The following EDA variants were observed in gnomAD, a reference collection of about 807,000 sequenced individuals.
The protein encoded by EDA is ectodysplasin A.
EDA carries 2 observed loss-of-function variants against 23.6 expected under a neutral mutation model. The ratio of observed to expected loss-of-function variants is 0.08; its 90% CI spans 0.03 to 0.27. The LOEUF (loss-of-function observed/expected upper bound fraction) is 0.27. EDA is among the 10% of genes least tolerant of loss of function. The pLI, the probability that EDA is intolerant of heterozygous loss-of-function variation, is 1.00. For missense variants in EDA, 229 were observed against 324.2 expected (o/e 0.71, Z 2.26); for synonymous variants, 131 against 132.0 (o/e 0.99, Z 0.05).
At position 70,035,717 on chromosome X, in the gene EDA, G is replaced by A. The variant is rs377375090; in HGVS notation, c.*108G>A. On this transcript the variant is annotated 3_prime_UTR_variant, in exon 8 of 8. Coordinates refer to ENST00000374552, the MANE Select transcript of EDA (RefSeq NM_001399.5). Reference sequence around the variant, plus strand: ...AGTGAGGTGTATTGGTGTTGCAGCCGCAGAGAAATGCCCCAGTGTTATTTA... The same window carrying A: ...AGTGAGGTGTATTGGTGTTGCAGCCACAGAGAAATGCCCCAGTGTTATTTA... The A allele has an allele frequency of 6.4e-5, 61 of 949,273 alleles. No individual in the cohort carries two copies. Among genetic ancestry groups the A allele is most frequent in the South Asian group, 1.1e-4 (5 of 46,653 alleles). The allele number at this position is 949,273 out of a possible 1,213,427, so 78.2% of individuals were successfully genotyped here.
intron 1 of EDA, among the ~76,000 whole-genome samples, chrX:69,633,957 T>G (rs1000251011): frequency 8.9e-6 from 1 of 112,403 alleles, no homozygotes; most frequent in Non-Finnish European, 1.9e-5. Context: ...TCACAATTGT[T>G]GAACCATATT....
At chrX:69,720,137 C>T (rs1447619935) in intron 1 of EDA, among the ~76,000 whole-genome samples, 3 of 111,581 alleles carry the variant, frequency 2.7e-5, no homozygotes, top group African/African-American at 9.8e-5. Context: ...AGTAAACATG[C>T]AGTTGATGTT....
intron 1 of EDA, among the ~76,000 whole-genome samples, chrX:69,951,154 T>A (rs2018920143): frequency 9.3e-6 from 1 of 107,686 alleles, no homozygotes; most frequent in African/African-American, 3.4e-5. Context: ...CTCAAACAAA[T>A]AAAGATCCTC....
chrX:69,784,315 T>G (rs2015070017), intron 1 of EDA, among the ~76,000 whole-genome samples: 2 of 102,939 alleles, frequency 1.9e-5, no homozygotes, highest in African/African-American at 7.2e-5. Context: ...ATTTGTCAAT[T>G]TTGTCTTTTG....
At chrX:69,915,066 A>G (rs958846637) in intron 1 of EDA, among the ~76,000 whole-genome samples, 1 of 112,165 alleles carries the variant, frequency 8.9e-6, no homozygotes, top group African/African-American at 3.2e-5. Context: ...AGAAGCTTAG[A>G]AACTGTAATC....
At chrX:69,655,209 A>G (rs1041324452) in intron 1 of EDA, among the ~76,000 whole-genome samples, 19 of 111,403 alleles carry the variant, frequency 1.7e-4, no homozygotes, top group Non-Finnish European at 2.6e-4. Flanking sequence ...CAGCCTGGCC[A>G]ACATGGAGAA....
At chrX:69,989,022 C>G (rs185413126) in intron 2 of EDA, among the ~76,000 whole-genome samples, 7 of 111,723 alleles carry the variant, frequency 6.3e-5, no homozygotes, top group African/African-American at 2.3e-4. Context: ...CTAGTCACCA[C>G]TCCTATTCCC....
At chrX:69,677,544 C>T (rs1308815836) in intron 1 of EDA, among the ~76,000 whole-genome samples, 1 of 111,969 alleles carries the variant, frequency 8.9e-6, no homozygotes, top group Non-Finnish European at 1.9e-5. Context: ...GATGGTATCT[C>T]GTTGTGGTTT....
At chrX:69,812,762 A>G (rs964361814) in intron 1 of EDA, among the ~76,000 whole-genome samples, 1 of 111,561 alleles carries the variant, frequency 9.0e-6, no homozygotes, top group African/African-American at 3.3e-5. Context: ...GTACTTTGAG[A>G]TGTATAATGT....
intron 1 of EDA, among the ~76,000 whole-genome samples, chrX:69,676,970 C>A (rs1489803259): frequency 1.4e-5 from 1 of 69,746 alleles, no homozygotes; most frequent in East Asian, 6.2e-4. Context: ...CAATGCTATC[C>A]CTCCCCCCTC....
At chrX:69,643,696 G>C (rs1432014254) in intron 1 of EDA, among the ~76,000 whole-genome samples, 5 of 111,826 alleles carry the variant, frequency 4.5e-5, no homozygotes, top group Non-Finnish European at 9.4e-5. Context: ...TCTATGTCCT[G>C]AATGATATTG....
At chrX:69,813,406 C>T (rs768789853) in intron 1 of EDA, among the ~76,000 whole-genome samples, 1 of 111,824 alleles carries the variant, frequency 8.9e-6, no homozygotes, top group East Asian at 2.8e-4. Context: ...TCACATATCT[C>T]CACTCTCTGA....
rs766208483 is a variant in EDA at position 69,929,539 on chromosome X, C to G, written c.397-27488C>G. ...CATGATTCTGAGGTTAAACAACTAC[C>G]CTGAGAAGCTGCTCCTAGTTGCCGA... is the stretch of plus-strand genomic sequence containing the variant. On this transcript the variant is annotated intron_variant, in intron 1 of 7. Coordinates refer to ENST00000374552, the MANE Select transcript of EDA (RefSeq NM_001399.5). 3.6e-5 allele frequency among the ~76,000 whole-genome samples: 4 copies of G among 109,761 alleles called. No homozygotes were observed. The South Asian group carries it at 1.6e-3, about 44-fold the overall frequency.
chrX:69,782,683 C>T (rs890753143), intron 1 of EDA, among the ~76,000 whole-genome samples: 1 of 111,473 alleles, frequency 9.0e-6, no homozygotes, highest in Admixed American at 9.6e-5. Context: ...GGATAGGGAG[C>T]GGGCCAATAA....
intron 1 of EDA, among the ~76,000 whole-genome samples, chrX:69,761,383 A>G (rs1403865861): frequency 8.9e-6 from 1 of 111,830 alleles, no homozygotes; most frequent in Non-Finnish European, 1.9e-5. Context: ...TTTATTTAGC[A>G]CATTATAGTT....
chrX:70,029,565 G>A (rs765962085), intron 5 of EDA, 27 bp downstream of exon 5: 21 of 1,205,331 alleles, frequency 1.7e-5, no homozygotes, highest in South Asian at 1.8e-5. Flanking sequence ...TCTCTTCCTG[G>A]GTAGGAGGGA....
intron 1 of EDA, among the ~76,000 whole-genome samples, chrX:69,650,102 T>C (rs147424481): frequency 8.9e-6 from 1 of 112,005 alleles, no homozygotes; most frequent in African/African-American, 3.2e-5. Flanking sequence ...ACTTTGGTTC[T>C]ACTACTTACT....
At chrX:69,691,607 TATC>T (rs966862761) in intron 1 of EDA, among the ~76,000 whole-genome samples, 1 of 111,746 alleles carries the variant, frequency 8.9e-6, no homozygotes, top group African/African-American at 3.2e-5. Context: ...TATAATAAAT[TATC>T]ATGCTCTGTA....
chrX:69,839,714 G>A (rs2016855317), intron 1 of EDA, among the ~76,000 whole-genome samples: 1 of 111,852 alleles, frequency 8.9e-6, no homozygotes, highest in Non-Finnish European at 1.9e-5. Context: ...TTGAGGGTAA[G>A]GTTGGGGAGA....
Sources: gnomAD v4.1 joint callset for allele counts (sites outside exome capture counted in the v4.1 genomes callset) on GRCh38, gnomAD v4.1.1 for gene constraint, MANE v1.5 for transcripts, NCBI Gene and HGNC (gene_info 2026-07-23, HGNC 2026-07-21) for gene names.